The following FAM227A variants were observed in gnomAD, a reference collection of about 807,000 sequenced individuals.
The protein encoded by FAM227A is protein FAM227A.
A neutral mutation model predicts 74.7 loss-of-function variants in FAM227A; 80 were observed. The observed-to-expected ratio is 1.07, with a 90% CI of 0.89 to 1.29. The LOEUF is 1.29. Among genes scored for constraint, FAM227A ranks in the 50% most tolerant of loss-of-function variants. The pLI, the probability that FAM227A is intolerant of heterozygous loss-of-function variation, is 0.00. For synonymous variants in FAM227A, 237 were observed against 241.8 expected, an observed-to-expected ratio of 0.98 and a Z score of 0.19; for missense variants, 654 against 683.4, an observed-to-expected ratio of 0.96 and a Z score of 0.48.
At chr22:38,639,568 A>T (rs970843370) in intron 4 of FAM227A, 87 bp downstream of exon 4, 1 of 1,230,582 alleles carries the variant, frequency 8.1e-7, no homozygotes, top group Non-Finnish European at 1.2e-6. Context: ...CTCATCTGAA[A>T]CTTGGGATTC....
rs192201574 is a variant in FAM227A, at chr22:38,597,169, C to T, written c.1532+35G>A. 106 of 1,546,666 alleles carry T rather than the reference C, an allele frequency of 6.9e-5. No homozygotes were observed. In the East Asian group the frequency reaches 1.9e-3, roughly 28 times the overall value. Reference sequence around the variant, plus strand: ...GATCGTGTGCTGCAAAAGATAAGTGCGGAACAACGGCATTCCCCAAAGCCC... The same window carrying T: ...GATCGTGTGCTGCAAAAGATAAGTGTGGAACAACGGCATTCCCCAAAGCCC... On this transcript the variant is annotated intron_variant, in intron 15 of 16. Transcript: ENST00000535113.
At position 38,579,159 on chromosome 22, in the gene FAM227A, T is replaced by C. The variant is rs537719501; in HGVS notation, c.*6966A>G. Reference sequence around the variant, plus strand: ...TTTATTTTCCTGTCATAAGTACACATAGGAGCAGCAACTAAGCCAGACATA... The same window carrying C: ...TTTATTTTCCTGTCATAAGTACACACAGGAGCAGCAACTAAGCCAGACATA... On this transcript the variant is annotated 3_prime_UTR_variant, in exon 17 of 17. Coordinates refer to ENST00000535113, the MANE Select transcript of FAM227A (RefSeq NM_001013647.2). 25 of 152,304 alleles carry C rather than the reference T, an allele frequency of 1.6e-4. No homozygotes were observed. Among genetic ancestry groups the C allele is most frequent in the Admixed American group, 5.9e-4 (9 of 15,294 alleles). The allele number at this position is 152,304 out of a possible 1,614,324, so 9.4% of individuals were successfully genotyped here. A position where few individuals can be genotyped will look rare whatever the true frequency, so the allele number is the denominator to read the frequency against.
At chr22:38,607,566 T>A in intron 11 of FAM227A, 90 bp from the exon 12 acceptor site, 2 of 863,734 alleles carry the variant, frequency 2.3e-6, no homozygotes, top group South Asian at 2.9e-5. Flanking sequence ...AAAAAAGTAA[T>A]ACATGCAATT....
At position 38,582,108 on chromosome 22, in the gene FAM227A, G is replaced by A. The variant is rs2090715103; in HGVS notation, c.*4017C>T. On this transcript the variant is annotated 3_prime_UTR_variant, in exon 17 of 17. Transcript: ENST00000535113. Reference sequence around the variant, plus strand: ...ATATGAGAAACTGCACACATTTAAAGTGTATTTAGGTGTGTATACACCCAT... The same window carrying A: ...ATATGAGAAACTGCACACATTTAAAATGTATTTAGGTGTGTATACACCCAT... 4 of 466,008 alleles carry A rather than the reference G, an allele frequency of 8.6e-6. No homozygotes were observed. Among genetic ancestry groups the A allele is most frequent in the Non-Finnish European group, 1.5e-5 (4 of 264,428 alleles). The allele number at this position is 466,008 out of a possible 1,614,324, so 28.9% of individuals were successfully genotyped here. A position where few individuals can be genotyped will look rare whatever the true frequency, so the allele number is the denominator to read the frequency against.
At chr22:38,649,069 T>C (rs1396728138) in intron 2 of FAM227A, among the ~76,000 whole-genome samples, 1 of 152,148 alleles carries the variant, frequency 6.6e-6, no homozygotes, top group African/African-American at 2.4e-5. Context: ...ACATCTATAA[T>C]TCTTTGGGAG....
In FAM227A at chr22:38,581,265, T is replaced by C. The variant is rs1378416773; in HGVS notation, c.*4860A>G. On this transcript the variant is annotated 3_prime_UTR_variant, in exon 17 of 17. Transcript: ENST00000535113. ...CTTTGATAGCTTCCTTGGTGTTAAG[T>C]GTGATAAGATGTTTCAGGTCTCATG... 6.6e-6 allele frequency: 1 copy of C among 152,154 alleles called. No individual in the cohort carries two copies. The highest frequency in any genetic ancestry group is 1.5e-5 in the Non-Finnish European group (1 of 68,020). The allele number at this position is 152,154 out of a possible 1,614,324, so 9.4% of individuals were successfully genotyped here.
chr22:38,645,079 C>G (rs1421246116), intron 3 of FAM227A, among the ~76,000 whole-genome samples: 1 of 136,816 alleles, frequency 7.3e-6, no homozygotes, highest in South Asian at 2.4e-4. Context: ...GAGCAAGTCT[C>G]TGTCTCAAAA....
chr22:38,621,770 G>T (rs180966323), intron 10 of FAM227A, among the ~76,000 whole-genome samples: 16 of 152,278 alleles, frequency 1.1e-4, no homozygotes, highest in Middle Eastern at 3.4e-3. Context: ...CTGATCAACT[G>T]CAGAGTCGGA....
chr22:38,599,692 T>A, intron 14 of FAM227A, 72 bp downstream of exon 14: 2 of 1,423,322 alleles, frequency 1.4e-6, no homozygotes, highest in Non-Finnish European at 1.9e-6. Context: ...TGCCATTCCC[T>A]GACCTTTGCT....
intron 11 of FAM227A, chr22:38,618,351 A>G (rs1413502473): frequency 6.6e-6 from 1 of 152,200 alleles, no homozygotes; most frequent in African/African-American, 2.4e-5. Context: ...TAGAAATCTT[A>G]TTGAAAGAAT....
At chr22:38,620,578 C>T (rs1438812382) in intron 10 of FAM227A, among the ~76,000 whole-genome samples, 2 of 151,080 alleles carry the variant, frequency 1.3e-5, no homozygotes, top group African/African-American at 4.9e-5. Flanking sequence ...CCGAGGCGGG[C>T]GGATCACGAG....
Position 38,656,350 on chromosome 22 carries a change from C to T in FAM227A, c.-325G>A, listed in dbSNP as rs774582762. ...AACGCCGGCGCGGTCTCCACTTTCC[C>T]GTTTAGCATAACAATGGAACCTTCG... On this transcript the variant is annotated 5_prime_UTR_variant, in exon 1 of 17. Coordinates refer to ENST00000535113, the MANE Select transcript of FAM227A (RefSeq NM_001013647.2). 2.6e-5 allele frequency: 4 copies of T among 152,276 alleles called. No homozygotes were observed. The highest frequency in any genetic ancestry group is 5.9e-5 in the Non-Finnish European group (4 of 68,076). 9.4% of individuals were successfully genotyped at this position (152,276 alleles called of 1,614,324 possible). A position where few individuals can be genotyped will look rare whatever the true frequency, so the allele number is the denominator to read the frequency against.
chr22:38,638,898 C>G (rs2092056546), intron 4 of FAM227A, 76 bp from the exon 5 acceptor site: 2 of 924,998 alleles, frequency 2.2e-6, no homozygotes, highest in Admixed American at 3.1e-5. Flanking sequence ...TACAACTGTG[C>G]TTTTTCATTC....
At chr22:38,635,467 A>C (rs995614168) in intron 6 of FAM227A, among the ~76,000 whole-genome samples, 2 of 152,088 alleles carry the variant, frequency 1.3e-5, no homozygotes, top group South Asian at 4.1e-4. Flanking sequence ...ACAGTGGCCG[A>C]GACCATTTCC....
At chr22:38,617,353 C>T (rs554871392) in intron 11 of FAM227A, among the ~76,000 whole-genome samples, 16 of 145,570 alleles carry the variant, frequency 1.1e-4, no homozygotes, top group African/African-American at 2.8e-4. Context: ...TGGAGTGCAG[C>T]GGCACGATCT....
intron 3 of FAM227A, among the ~76,000 whole-genome samples, chr22:38,642,690 C>G (rs767428516): frequency 6.6e-6 from 1 of 152,192 alleles, no homozygotes; most frequent in Non-Finnish European, 1.5e-5. Flanking sequence ...AATCCCAGCA[C>G]TTTGGGAGGC....
chr22:38,582,906 C>T lies in FAM227A; in HGVS notation c.*3219G>A. 1 of 1,550,496 alleles carries T rather than the reference C, an allele frequency of 6.4e-7. No individual in the cohort carries two copies. The highest frequency in any genetic ancestry group is 8.7e-7 in the Non-Finnish European group (1 of 1,146,988). ...GGAAGGCTCCCAAGATGAGGGACGT[C>T]TAAGCGGGGTCCTGGAGGAAGAGCA... is the stretch of plus-strand genomic sequence containing the variant. On this transcript the variant is annotated 3_prime_UTR_variant, in exon 17 of 17. Coordinates refer to ENST00000535113, the MANE Select transcript of FAM227A (RefSeq NM_001013647.2).
intron 11 of FAM227A, among the ~76,000 whole-genome samples, chr22:38,615,538 CAA>C (rs1442623687): frequency 6.6e-6 from 1 of 152,114 alleles, no homozygotes; most frequent in African/African-American, 2.4e-5. Context: ...AGATTCCAGG[CAA>C]AGAGGACAGC....
At chr22:38,638,182 TAAAG>T (rs1040001199) in intron 5 of FAM227A, among the ~76,000 whole-genome samples, 6 of 151,392 alleles carry the variant, frequency 4.0e-5, no homozygotes, top group African/African-American at 1.5e-4. Flanking sequence ...AAAAAAGAAA[TAAAG>T]AACAAGCCAA....
Sources: allele counts gnomAD v4.1 joint callset (sites outside exome capture counted in the v4.1 genomes callset), GRCh38; gene constraint gnomAD v4.1.1; transcripts MANE v1.5; gene names NCBI Gene and HGNC (gene_info 2026-07-23, HGNC 2026-07-21).